Variants in SMARCA5 observed in about 807,000 individuals in gnomAD.
SMARCA5 encodes the protein SNF2 related chromatin remodeling ATPase 5.
SMARCA5 carries 18 observed loss-of-function variants against 140.4 expected under a neutral mutation model. The ratio of observed to expected loss-of-function variants is 0.13; its 90% CI spans 0.09 to 0.19. SMARCA5 has a LOEUF of 0.19. Among genes scored for constraint, SMARCA5 ranks in the 10% least tolerant of loss-of-function variants. SMARCA5 has a pLI of 1.00. For missense variants in SMARCA5, 606 were observed against 1,276.8 expected (o/e 0.47, Z 8.01); for synonymous variants, 449 against 419.6 (o/e 1.07, Z -0.86).
intron 23 of SMARCA5, among the ~76,000 whole-genome samples, chr4:143,551,272 G>T (rs943598260): frequency 1.3e-5 from 2 of 151,902 alleles, no homozygotes; most frequent in Admixed American, 6.6e-5. Context: ...ATTTTTTTCA[G>T]TAGAGTTGTT....
At chr4:143,540,959 C>G (rs1310948478) in intron 14 of SMARCA5, among the ~76,000 whole-genome samples, 2 of 152,156 alleles carry the variant, frequency 1.3e-5, no homozygotes, top group African/African-American at 4.8e-5. Context: ...TGAGTACCCA[C>G]CAGATGCTAG....
chr4:143,533,361 T>C (rs974987533), intron 9 of SMARCA5, among the ~76,000 whole-genome samples: 5 of 152,226 alleles, frequency 3.3e-5, no homozygotes, highest in African/African-American at 1.2e-4. Context: ...TGGGTACTTT[T>C]ACAGTACTTG....
At chr4:143,518,630 A>G (rs1260905377) in intron 2 of SMARCA5, among the ~76,000 whole-genome samples, 1 of 152,110 alleles carries the variant, frequency 6.6e-6, no homozygotes, top group African/African-American at 2.4e-5. Flanking sequence ...AAATTATGGT[A>G]TGTATTTTAT....
At position 143,548,094 on chromosome 4, in the gene SMARCA5, C is replaced by G; in HGVS notation, c.2939C>G (p.Ser980Cys). Residue 980 changes from serine (S) to cysteine (C), a missense_variant, in exon 22 of 24, where the codon TCT becomes TGT. Physicochemically the swap from Ser to Cys is moderately radical, Grantham distance 112 (BLOSUM62 -1). Transcript: ENST00000283131. ...YDELRQCIRN[S>C]PQFRFDWFLK... The stretch of plus-strand genomic sequence containing the variant: ...GAATTGCGACAGTGTATTCGCAACT[C>G]TCCTCAGTTCAGATTTGACTGGTTT... 2 of 1,612,632 alleles carry G rather than the reference C, an allele frequency of 1.2e-6. No individual in the cohort carries two copies. Among genetic ancestry groups the G allele is most frequent in the Non-Finnish European group, 1.7e-6 (2 of 1,179,062 alleles).
rs1737746232 is a variant in SMARCA5, at chr4:143,556,092, C to T, written c.*2908C>T. ...AGAAATGCTCCATAATTTGAATGCT[C>T]ATTAGGGCATTTCTGATTTTTGGAT... On this transcript the variant is annotated 3_prime_UTR_variant, in exon 24 of 24. Coordinates refer to ENST00000283131, the MANE Select transcript of SMARCA5 (RefSeq NM_003601.4). 1 of 152,136 alleles carries T rather than the reference C, an allele frequency of 6.6e-6. No individual in the cohort carries two copies. The highest frequency in any genetic ancestry group is 2.1e-4 in the South Asian group (1 of 4,820). The allele number at this position is 152,136 out of a possible 1,614,324, so 9.4% of individuals were successfully genotyped here. A position where few individuals can be genotyped will look rare whatever the true frequency, so the allele number is the denominator to read the frequency against.
At position 143,513,823 on chromosome 4, in the gene SMARCA5, C is replaced by T. The variant is rs1321983881; in HGVS notation, c.-102C>T. On this transcript the variant is annotated 5_prime_UTR_variant, in exon 1 of 24. Transcript: ENST00000283131. ...GAGCGCTCGGGTGGGAGTCTCGCTC[C>T]TCCACCAGTTTATTGCGACGTAGCA... The T allele has an allele frequency of 7.4e-6, 10 of 1,350,206 alleles. No individual in the cohort carries two copies. The highest frequency in any genetic ancestry group is 6.7e-5 in the Admixed American group (3 of 44,572). The allele number at this position is 1,350,206 out of a possible 1,614,324, so 83.6% of individuals were successfully genotyped here. A position where few individuals can be genotyped will look rare whatever the true frequency, so the allele number is the denominator to read the frequency against.
Position 143,555,673 on chromosome 4 carries a change from A to G in SMARCA5, c.*2489A>G. 4.3e-6 allele frequency: 1 copy of G among 230,548 alleles called. No individual in the cohort carries two copies. Among genetic ancestry groups the G allele is most frequent in the Non-Finnish European group, 8.5e-6 (1 of 117,118 alleles). The allele number at this position is 230,548 out of a possible 1,614,324, so 14.3% of individuals were successfully genotyped here. On this transcript the variant is annotated 3_prime_UTR_variant, in exon 24 of 24. Transcript: ENST00000283131. Reference sequence around the variant, plus strand: ...GTAATTATTACTACTTTTAAGAGACAGGGTCTTGCTCTGTCACCCAGGCTG... The same window carrying G: ...GTAATTATTACTACTTTTAAGAGACGGGGTCTTGCTCTGTCACCCAGGCTG...
At chr4:143,527,088 A>G (rs1737089926) in intron 6 of SMARCA5, among the ~76,000 whole-genome samples, 1 of 152,222 alleles carries the variant, frequency 6.6e-6, no homozygotes, top group African/African-American at 2.4e-5. Flanking sequence ...TCACAGAATT[A>G]GAGTTTTTAA....
intron 9 of SMARCA5, among the ~76,000 whole-genome samples, chr4:143,532,639 G>A (rs575218524): frequency 5.3e-5 from 8 of 152,204 alleles, no homozygotes; most frequent in African/African-American, 1.7e-4. Flanking sequence ...CTTATTTGAT[G>A]TATTAGTTAT....
At chr4:143,536,191 A>G (rs1197279937) in intron 10 of SMARCA5, among the ~76,000 whole-genome samples, 2 of 152,186 alleles carry the variant, frequency 1.3e-5, no homozygotes, top group African/African-American at 4.8e-5. Flanking sequence ...ATTCTACCCA[A>G]GGGAACTGTT....
chr4:143,522,707 T>C (rs1297044641), intron 3 of SMARCA5, among the ~76,000 whole-genome samples: 1 of 152,202 alleles, frequency 6.6e-6, no homozygotes, highest in Non-Finnish European at 1.5e-5. Flanking sequence ...TGCATTAGTG[T>C]CATGGCATGA....
chr4:143,545,028 C>T (rs1268827833), intron 17 of SMARCA5, among the ~76,000 whole-genome samples, 181 bp downstream of exon 17: 2 of 150,734 alleles, frequency 1.3e-5, no homozygotes, highest in Middle Eastern at 3.4e-3. Flanking sequence ...CTGCAACCTC[C>T]GCCTCCCGGG....
At chr4:143,547,170 A>G (rs1376484871) in intron 20 of SMARCA5, among the ~76,000 whole-genome samples, 1 of 152,128 alleles carries the variant, frequency 6.6e-6, no homozygotes, top group Non-Finnish European at 1.5e-5. Flanking sequence ...TTGCATTTTT[A>G]TCTTAATTTC....
intron 3 of SMARCA5, among the ~76,000 whole-genome samples, chr4:143,522,010 A>G (rs1021811006): frequency 6.6e-6 from 1 of 152,048 alleles, no homozygotes; most frequent in African/African-American, 2.4e-5. Flanking sequence ...ATGTCACGTC[A>G]TTCCTCAGAG....
chr4:143,547,858 TA>T, intron 21 of SMARCA5, 69 bp from the exon 22 acceptor site: 9 of 936,788 alleles, frequency 9.6e-6, no homozygotes, highest in Non-Finnish European at 1.4e-5. Flanking sequence ...CTAATTATAC[TA>T]AAGCTGAGTT....
At chr4:143,528,561 G>A (rs1737121277) in intron 7 of SMARCA5, 22 bp from the exon 8 acceptor site, 4 of 1,604,318 alleles carry the variant, frequency 2.5e-6, no homozygotes, top group African/African-American at 1.3e-5. Context: ...TTCTAATGGT[G>A]TATTTGGTTC....
Position 143,542,991 on chromosome 4 carries a change from A to G in SMARCA5, c.1904-518A>G, listed in dbSNP as rs570292922. Among the ~76,000 whole-genome samples, 39 of 152,340 alleles carry G rather than the reference A, an allele frequency of 2.6e-4. 1 individual carries two copies. In the South Asian group the frequency reaches 8.1e-3, roughly 32 times the overall value. On this transcript the variant is annotated intron_variant, in intron 14 of 23. Transcript: ENST00000283131. Reference sequence around the variant, plus strand: ...AGACTCCATCTCAAAAAAATAAACGAATAAAATAAGTTTTTAGGAGTTTCA... The same window carrying G: ...AGACTCCATCTCAAAAAAATAAACGGATAAAATAAGTTTTTAGGAGTTTCA...
At chr4:143,539,393 T>C (rs945335676) in intron 13 of SMARCA5, among the ~76,000 whole-genome samples, 1 of 152,144 alleles carries the variant, frequency 6.6e-6, no homozygotes, top group Non-Finnish European at 1.5e-5. Context: ...TCCACTTTAG[T>C]TATTTAAAAG....
At chr4:143,541,883 G>A (rs1737434389) in intron 14 of SMARCA5, among the ~76,000 whole-genome samples, 1 of 150,872 alleles carries the variant, frequency 6.6e-6, no homozygotes, top group African/African-American at 2.4e-5. Flanking sequence ...TTGAGATGGA[G>A]TTTTGTTCTT....
Sources: gnomAD v4.1 joint callset for allele counts (sites outside exome capture counted in the v4.1 genomes callset) on GRCh38, gnomAD v4.1.1 for gene constraint, MANE v1.5 for transcripts, NCBI Gene and HGNC (gene_info 2026-07-23, HGNC 2026-07-21) for gene names.